Variants in TTC28 observed in about 807,000 individuals in gnomAD.
TTC28 encodes tetratricopeptide repeat protein 28.
A neutral mutation model predicts 198.0 loss-of-function variants in TTC28; 61 were observed. The ratio of observed to expected loss-of-function variants is 0.31; its 90% CI spans 0.25 to 0.38. The LOEUF is 0.38. TTC28 is among the 10% of genes least tolerant of loss of function. TTC28 has a pLI of 1.00. For synonymous variants in TTC28, 1,171 were observed against 1,297.8 expected (o/e 0.90, Z 2.10); for missense variants, 2,678 against 3,164.0 (o/e 0.85, Z 3.69).
At chr22:28,144,460 C>T (rs1943413499) in intron 6 of TTC28, among the ~76,000 whole-genome samples, 1 of 152,210 alleles carries the variant, frequency 6.6e-6, no homozygotes. Context: ...TTTACCATTA[C>T]AAAACAACTG....
rs565510280 is a variant in TTC28 at position 28,055,003 on chromosome 22, A to G, written c.3933-24637T>C. Among the ~76,000 whole-genome samples the G allele has an allele frequency of 2.4e-4, 36 of 152,328 alleles. 1 individual carries two copies. In the South Asian group the frequency reaches 7.5e-3, roughly 32 times the overall value. ...GTGTGTTTCTGGAGCCACACCCTGC[A>G]GCAGATCAGGGTTGGGTTCACACTA... On this transcript the variant is annotated intron_variant, in intron 12 of 22. Transcript: ENST00000397906.
At chr22:28,386,164 A>C (rs998823147) in intron 2 of TTC28, among the ~76,000 whole-genome samples, 1 of 148,224 alleles carries the variant, frequency 6.7e-6, no homozygotes, top group Admixed American at 6.8e-5. Flanking sequence ...AGTCCTAGCT[A>C]CTTGGGAGGC....
chr22:28,656,894 C>T (rs1048421112), intron 1 of TTC28, among the ~76,000 whole-genome samples: 1 of 151,870 alleles, frequency 6.6e-6, no homozygotes, highest in Non-Finnish European at 1.5e-5. Context: ...TACCCTAGAA[C>T]TTAAAGTATA....
chr22:28,205,225 G>A lies in TTC28; in HGVS notation c.934-41626C>T, dbSNP rs572480416. Among the ~76,000 whole-genome samples, 14 of 152,098 alleles carry A rather than the reference G, an allele frequency of 9.2e-5. No homozygotes were observed. In the South Asian group the frequency reaches 2.9e-3, roughly 32 times the overall value. On this transcript the variant is annotated intron_variant, in intron 5 of 22. Coordinates refer to ENST00000397906, the MANE Select transcript of TTC28 (RefSeq NM_001145418.2). ...TTAACGCAACACACACACACACAGA[G>A]ACCGGGGGGAGAGAGGGAGAGAGAA...
chr22:28,072,054 A>C (rs1342614228), intron 12 of TTC28, among the ~76,000 whole-genome samples: 2 of 152,238 alleles, frequency 1.3e-5, no homozygotes, highest in African/African-American at 4.8e-5. Context: ...GATCTGGATT[A>C]AGTCTACCTC....
intron 5 of TTC28, among the ~76,000 whole-genome samples, chr22:28,267,928 C>T (rs1931790092): frequency 6.6e-6 from 1 of 152,126 alleles, no homozygotes; most frequent in Admixed American, 6.5e-5. Flanking sequence ...GTCAGCTGCA[C>T]TGAAATCCTT....
chr22:28,422,516 G>A (rs2047273832), intron 2 of TTC28, among the ~76,000 whole-genome samples: 1 of 151,118 alleles, frequency 6.6e-6, no homozygotes, highest in South Asian at 2.1e-4. Flanking sequence ...TCGGTTCACT[G>A]CAAGCTCCAC....
At position 28,014,329 on chromosome 22, in the gene TTC28, G is replaced by A. The variant is rs985426089; in HGVS notation, c.4137C>T (p.Ser1379=). 8.4e-6 allele frequency: 13 copies of A among 1,551,666 alleles called. No individual in the cohort carries two copies. The highest frequency in any genetic ancestry group is 5.9e-5 in the Admixed American group (3 of 51,002). ...ACGAGCTCTGCCTCCTGGGAAGAGA[G>A]GAGGTCCCGTCCTGGGTCGGTGACA... ...NTVSPTQDGT[S]SLPRRQSSFA... Residue 1379 remains serine, a synonymous_variant, in exon 14 of 23, where the codon TCC becomes TCT. Coordinates refer to ENST00000397906, the MANE Select transcript of TTC28 (RefSeq NM_001145418.2).
Position 27,992,571 on chromosome 22 carries a change from T to C in TTC28, c.5553+16A>G. On this transcript the variant is annotated intron_variant, in intron 19 of 22. Transcript: ENST00000397906. ...TGGGCCTCAGGCCCTGGCTCAGCCC[T>C]CCAGGCTCGACTTACCCGGCTGATG... is the stretch of plus-strand genomic sequence containing the variant. The C allele has an allele frequency of 4.5e-6, 7 of 1,551,070 alleles. No homozygotes were observed. The highest frequency in any genetic ancestry group is 6.1e-6 in the Non-Finnish European group (7 of 1,146,904).
intron 5 of TTC28, among the ~76,000 whole-genome samples, chr22:28,291,389 T>A (rs1470833871): frequency 6.6e-6 from 1 of 152,162 alleles, no homozygotes; most frequent in Non-Finnish European, 1.5e-5. Context: ...AAAACAGGTT[T>A]AGAATATTAA....
chr22:28,046,187 A>G (rs2146689535), intron 12 of TTC28, among the ~76,000 whole-genome samples: 1 of 152,336 alleles, frequency 6.6e-6, no homozygotes, highest in South Asian at 2.1e-4. Context: ...AACTTCATCT[A>G]CTTTCTTTTA....
chr22:28,521,017 A>C (rs574086612), intron 2 of TTC28, among the ~76,000 whole-genome samples: 31 of 152,260 alleles, frequency 2.0e-4, no homozygotes, highest in Admixed American at 1.6e-3. Flanking sequence ...GTGCCGCTGC[A>C]CTCCAGCCTG....
At chr22:28,462,349 A>C (rs2047961912) in intron 2 of TTC28, among the ~76,000 whole-genome samples, 1 of 152,204 alleles carries the variant, frequency 6.6e-6, no homozygotes, top group Non-Finnish European at 1.5e-5. Context: ...TCTCTCTGTC[A>C]TGAGGCTGGG....
chr22:28,150,128 T>G (rs937616200), intron 6 of TTC28, among the ~76,000 whole-genome samples: 1 of 152,160 alleles, frequency 6.6e-6, no homozygotes, highest in African/African-American at 2.4e-5. Context: ...AAATAGAGTA[T>G]AAAATATTGT....
intron 2 of TTC28, among the ~76,000 whole-genome samples, chr22:28,490,974 T>TTATTCAAGAAGTTTTGTGA (rs1450117118): frequency 1.3e-5 from 2 of 152,214 alleles, no homozygotes; most frequent in Non-Finnish European, 2.9e-5. Context: ...TTTAAGCTGT[T>TTATTCAAGAAGTTTTGTGA]TATTCAAGAA....
At chr22:28,584,651 A>G (rs2050285632) in intron 2 of TTC28, among the ~76,000 whole-genome samples, 1 of 152,234 alleles carries the variant, frequency 6.6e-6, no homozygotes, top group Admixed American at 6.5e-5. Context: ...TTAAATAGCC[A>G]CATATATCTA....
intron 2 of TTC28, among the ~76,000 whole-genome samples, chr22:28,615,102 GA>G (rs1193811981): frequency 6.6e-6 from 1 of 150,816 alleles, no homozygotes; most frequent in Non-Finnish European, 1.5e-5. Context: ...AAATTTACAA[GA>G]AAAAAAACAA....
At chr22:28,328,287 A>T (rs1281487196) in intron 2 of TTC28, among the ~76,000 whole-genome samples, 1 of 151,876 alleles carries the variant, frequency 6.6e-6, no homozygotes, top group Admixed American at 6.6e-5. Flanking sequence ...ATAATGATTT[A>T]AAAAAATAGC....
At chr22:28,386,976 A>C (rs62237621) in intron 2 of TTC28, among the ~76,000 whole-genome samples, 1 of 152,052 alleles carries the variant, frequency 6.6e-6, no homozygotes, top group African/African-American at 2.4e-5. Flanking sequence ...TATATCACCC[A>C]ATGCTATCCC....
Sources: gnomAD v4.1 joint callset for allele counts (sites outside exome capture counted in the v4.1 genomes callset) on GRCh38, gnomAD v4.1.1 for gene constraint, MANE v1.5 for transcripts, NCBI Gene and HGNC (gene_info 2026-07-23, HGNC 2026-07-21) for gene names.